The following EXOC4 variants were observed in gnomAD, a reference collection of about 807,000 sequenced individuals.
The protein encoded by EXOC4 is exocyst complex component 4.
Under a neutral mutation model 107.2 loss-of-function variants are expected in EXOC4, and 71 were observed. The observed-to-expected ratio is 0.66, with a 90% CI of 0.55 to 0.81. The LOEUF (loss-of-function observed/expected upper bound fraction) is 0.81. Among genes scored for constraint, EXOC4 ranks in the 30% least tolerant of loss-of-function variants. The pLI, the probability that EXOC4 is intolerant of heterozygous loss-of-function variation, is 0.00. For missense variants in EXOC4, 1,108 were observed against 1,189.6 expected (o/e 0.93, Z 1.01); for synonymous variants, 456 against 441.2 (o/e 1.03, Z -0.42).
chr7:133,439,567 T>C (rs1798059884), intron 7 of EXOC4, among the ~76,000 whole-genome samples: 1 of 152,158 alleles, frequency 6.6e-6, no homozygotes, highest in Non-Finnish European at 1.5e-5. Context: ...ATATGTATCA[T>C]ATATCCATGA....
At chr7:134,060,962 C>T (rs1796044177) in intron 17 of EXOC4, among the ~76,000 whole-genome samples, 2 of 152,140 alleles carry the variant, frequency 1.3e-5, no homozygotes. Context: ...CTCTTGAGGA[C>T]TCTTTTAGTC....
chr7:133,988,733 AT>A (rs748318597), intron 14 of EXOC4, among the ~76,000 whole-genome samples: 71 of 151,888 alleles, frequency 4.7e-4, no homozygotes, highest in Non-Finnish European at 9.4e-4. Context: ...ACAGCATGAT[AT>A]GTTTAGGAAA....
intron 9 of EXOC4, among the ~76,000 whole-genome samples, chr7:133,482,994 C>T (rs1003549829): frequency 6.6e-6 from 1 of 152,198 alleles, no homozygotes; most frequent in Non-Finnish European, 1.5e-5. Context: ...GGTTGTGGCC[C>T]CTGCTGTGTG....
At chr7:134,029,133 G>A (rs772868947) in intron 17 of EXOC4, among the ~76,000 whole-genome samples, 4 of 152,174 alleles carry the variant, frequency 2.6e-5, no homozygotes, top group African/African-American at 7.2e-5. Context: ...GAGGGATGAC[G>A]TACCCTCAGT....
At chr7:133,455,398 G>A (rs376628894) in intron 7 of EXOC4, among the ~76,000 whole-genome samples, 1 of 152,130 alleles carries the variant, frequency 6.6e-6, no homozygotes, top group African/African-American at 2.4e-5. Context: ...GGTTAGGGGA[G>A]GTGGGGATGG....
chr7:133,476,440 G>C (rs1383924708), intron 8 of EXOC4, among the ~76,000 whole-genome samples: 1 of 152,160 alleles, frequency 6.6e-6, no homozygotes, highest in Admixed American at 6.5e-5. Context: ...ATATAAGCAT[G>C]TAAAGTGACC....
At chr7:133,382,318 T>A (rs571087346) in intron 7 of EXOC4, among the ~76,000 whole-genome samples, 1 of 152,318 alleles carries the variant, frequency 6.6e-6, no homozygotes, top group African/African-American at 2.4e-5. Context: ...TCTGCCAGCC[T>A]AGTTTCCAGT....
chr7:133,429,532 C>T (rs1394643457), intron 7 of EXOC4, among the ~76,000 whole-genome samples: 3 of 152,180 alleles, frequency 2.0e-5, no homozygotes, highest in Admixed American at 2.0e-4. Context: ...TCACCACTGT[C>T]TAATTCCAGA....
intron 5 of EXOC4, among the ~76,000 whole-genome samples, chr7:133,336,419 C>T (rs1299048872): frequency 1.3e-5 from 2 of 152,046 alleles, no homozygotes; most frequent in African/African-American, 4.8e-5. Context: ...GCCAAATTCT[C>T]CCCCCAAAGA....
chr7:133,990,753 C>T (rs1036185755), intron 14 of EXOC4, among the ~76,000 whole-genome samples: 2 of 152,150 alleles, frequency 1.3e-5, no homozygotes, highest in Admixed American at 1.3e-4. Flanking sequence ...TGTGCCCCAC[C>T]AGGATTTTAT....
chr7:133,405,170 G>T (rs1306693637), intron 7 of EXOC4, among the ~76,000 whole-genome samples: 1 of 152,056 alleles, frequency 6.6e-6, no homozygotes, highest in Non-Finnish European at 1.5e-5. Flanking sequence ...GTTATGGAAA[G>T]TTTATATTAA....
At chr7:133,578,761 A>G (rs1240197049) in intron 9 of EXOC4, among the ~76,000 whole-genome samples, 4 of 152,202 alleles carry the variant, frequency 2.6e-5, no homozygotes, top group African/African-American at 7.2e-5. Context: ...AAGAAAAAGC[A>G]AAGAAACAAA....
At chr7:133,393,596 G>A (rs1305562987) in intron 7 of EXOC4, among the ~76,000 whole-genome samples, 2 of 152,124 alleles carry the variant, frequency 1.3e-5, no homozygotes, top group Admixed American at 1.3e-4. Context: ...AGTCATGATA[G>A]CAGAGCCCTC....
intron 7 of EXOC4, among the ~76,000 whole-genome samples, chr7:133,443,257 T>A (rs930491214): frequency 5.3e-5 from 8 of 152,238 alleles, no homozygotes; most frequent in African/African-American, 1.7e-4. Flanking sequence ...AAATGTCCTT[T>A]TCAAGGCTGG....
At chr7:133,450,361 C>G (rs151258905) in intron 7 of EXOC4, among the ~76,000 whole-genome samples, 2,231 of 152,178 alleles carry the variant, frequency 0.015, 22 homozygotes, top group Middle Eastern at 0.031. Context: ...TGGGGTTTTG[C>G]TTTCTTGCCC....
intron 17 of EXOC4, among the ~76,000 whole-genome samples, chr7:134,061,062 C>T (rs1166579530): frequency 6.6e-6 from 1 of 152,104 alleles, no homozygotes; most frequent in Admixed American, 6.6e-5. Flanking sequence ...AAGTGGCATG[C>T]CCTTTATCAC....
In EXOC4 at chr7:133,563,408, T is replaced by A. The variant is rs544270172; in HGVS notation, c.1418-66637T>A. ...CAGCTGCTGTTGGCTGTGCGGTTTC[T>A]AGTTTTACTCGTTTCTCCTCCATCT... On this transcript the variant is annotated intron_variant, in intron 9 of 17. Coordinates refer to ENST00000253861, the MANE Select transcript of EXOC4 (RefSeq NM_021807.4). Among the ~76,000 whole-genome samples the A allele has an allele frequency of 3.3e-5, 5 of 152,370 alleles. No homozygotes were observed. In the South Asian group the frequency reaches 1.0e-3, roughly 32 times the overall value.
chr7:133,431,715 A>G (rs113852263), intron 7 of EXOC4, among the ~76,000 whole-genome samples: 207 of 152,334 alleles, frequency 1.4e-3, no homozygotes, highest in African/African-American at 4.9e-3. Context: ...TTGCATGTTA[A>G]GTGGAGTTGT....
chr7:133,625,647 T>C (rs1802435440), intron 9 of EXOC4, among the ~76,000 whole-genome samples: 1 of 152,238 alleles, frequency 6.6e-6, no homozygotes, highest in Non-Finnish European at 1.5e-5. Flanking sequence ...GGGACCAGCC[T>C]ATGAACACTA....
Sources: gnomAD v4.1 joint callset for allele counts (sites outside exome capture counted in the v4.1 genomes callset) on GRCh38, gnomAD v4.1.1 for gene constraint, MANE v1.5 for transcripts, NCBI Gene and HGNC (gene_info 2026-07-23, HGNC 2026-07-21) for gene names.